ERP44: variants seen among roughly 807,000 people sequenced by gnomAD.
ERP44 encodes endoplasmic reticulum resident protein 44.
In ERP44, 25 loss-of-function variants were observed where a neutral mutation model predicts 53.4. That is an observed-to-expected ratio of 0.47 (90% confidence interval 0.34 to 0.65). ERP44 has a LOEUF of 0.65. ERP44 is among the 30% of genes least tolerant of loss of function. ERP44 has a pLI of 0.01. For missense variants in ERP44, 338 were observed against 493.2 expected (o/e 0.69, Z 2.98); for synonymous variants, 145 against 161.2 (o/e 0.90, Z 0.76).
intron 10 of ERP44, among the ~76,000 whole-genome samples, chr9:100,004,379 T>C (rs951917868): frequency 6.6e-6 from 1 of 152,192 alleles, no homozygotes; most frequent in Non-Finnish European, 1.5e-5. Flanking sequence ...TTTGGCCTGG[T>C]GCTGGAATAG....
intron 1 of ERP44, among the ~76,000 whole-genome samples, chr9:100,062,392 A>G (rs186210818): frequency 7.9e-5 from 12 of 152,346 alleles, no homozygotes; most frequent in African/African-American, 2.6e-4. Flanking sequence ...TCCTGGCTTC[A>G]TAAGTATCTG....
intron 1 of ERP44, among the ~76,000 whole-genome samples, chr9:100,078,286 T>C (rs997947247): frequency 6.6e-6 from 1 of 151,312 alleles, no homozygotes; most frequent in Non-Finnish European, 1.5e-5. Flanking sequence ...GGTGAAACTC[T>C]CTCTCTACCA....
At chr9:100,031,211 T>C (rs116397699) in intron 4 of ERP44, among the ~76,000 whole-genome samples, 1,653 of 152,292 alleles carry the variant, frequency 0.011, 24 homozygotes, top group African/African-American at 0.038. Flanking sequence ...ATGCTGAAGT[T>C]TCCTTCTCAT....
intron 1 of ERP44, among the ~76,000 whole-genome samples, chr9:100,075,340 T>C (rs1400955892): frequency 6.6e-6 from 1 of 152,232 alleles, no homozygotes; most frequent in Non-Finnish European, 1.5e-5. Context: ...TGCTTTTTTC[T>C]CCATTCCTTT....
In ERP44 at chr9:100,041,665, T is replaced by C. The variant is rs557881752; in HGVS notation, c.286+10752A>G. Among the ~76,000 whole-genome samples the C allele has an allele frequency of 6.2e-3, 940 of 152,026 alleles. 8 individuals are homozygous for C. Among genetic ancestry groups the C allele is most frequent in the Non-Finnish European group, 0.01 (705 of 67,980 alleles). Reference sequence around the variant, plus strand: ...CCCCGCGACAGAGCAAGATTCCGACTCAAAACAACAACAACAACAACAACA... The same window carrying C: ...CCCCGCGACAGAGCAAGATTCCGACCCAAAACAACAACAACAACAACAACA... On this transcript the variant is annotated intron_variant, in intron 4 of 11. Coordinates refer to ENST00000262455, the MANE Select transcript of ERP44 (RefSeq NM_015051.3).
At chr9:100,088,218 C>G (rs147121434) in intron 1 of ERP44, among the ~76,000 whole-genome samples, 117 of 152,178 alleles carry the variant, frequency 7.7e-4, no homozygotes, top group African/African-American at 2.5e-3. Context: ...TATCAGTAAA[C>G]AACATACATA....
chr9:99,998,664 T>G lies in ERP44; in HGVS notation c.1016+7842A>C. On this transcript the variant is annotated intron_variant, in intron 10 of 11. Coordinates refer to ENST00000262455, the MANE Select transcript of ERP44 (RefSeq NM_015051.3). ...TCCACATCCCTGTGCTCTTTGTCAC[T>G]GCTGCTGTGTGACCTTAATCCTTAC... The G allele has an allele frequency of 6.6e-6, 5 of 762,978 alleles. No homozygotes were observed. The Admixed American group carries it at 8.9e-5, about 14-fold the overall frequency. 47.3% of individuals were successfully genotyped at this position (762,978 alleles called of 1,614,324 possible).
chr9:100,085,250 A>G (rs1169901331), intron 1 of ERP44, among the ~76,000 whole-genome samples: 1 of 152,234 alleles, frequency 6.6e-6, no homozygotes, highest in Non-Finnish European at 1.5e-5. Context: ...AATGGTAGGT[A>G]TATGTGTAAC....
At chr9:100,009,401 T>C (rs911578271) in intron 8 of ERP44, among the ~76,000 whole-genome samples, 1 of 152,162 alleles carries the variant, frequency 6.6e-6, no homozygotes, top group African/African-American at 2.4e-5. Flanking sequence ...CATGAGCCAC[T>C]GCGCCCAGCC....
chr9:100,010,050 C>T (rs1426762939), intron 8 of ERP44, among the ~76,000 whole-genome samples: 2 of 152,122 alleles, frequency 1.3e-5, no homozygotes, highest in African/African-American at 4.8e-5. Context: ...CTTTGTGTTA[C>T]GTTATCTGTA....
At chr9:100,001,191 T>C (rs1358192941) in intron 10 of ERP44, among the ~76,000 whole-genome samples, 5 of 152,222 alleles carry the variant, frequency 3.3e-5, no homozygotes, top group East Asian at 1.9e-4. Context: ...CTTCATACCA[T>C]TGTGGTCAGA....
At chr9:99,991,683 A>C (rs1477851203) in intron 10 of ERP44, among the ~76,000 whole-genome samples, 2 of 152,116 alleles carry the variant, frequency 1.3e-5, no homozygotes, top group Non-Finnish European at 2.9e-5. Flanking sequence ...AATGGAGGAG[A>C]TAGAGACACA....
At chr9:100,055,759 G>A (rs150826451) in intron 3 of ERP44, among the ~76,000 whole-genome samples, 116 of 152,242 alleles carry the variant, frequency 7.6e-4, no homozygotes, top group African/African-American at 2.5e-3. Context: ...TAAATATTAG[G>A]TAATTTTTAA....
chr9:100,005,339 T>A (rs1830416089), intron 10 of ERP44, among the ~76,000 whole-genome samples: 1 of 152,228 alleles, frequency 6.6e-6, no homozygotes, highest in African/African-American at 2.4e-5. Context: ...TGGTTGTCCC[T>A]TTCCTCTACT....
chr9:100,015,510 GA>G (rs1830517941), intron 8 of ERP44, among the ~76,000 whole-genome samples: 1 of 152,172 alleles, frequency 6.6e-6, no homozygotes, highest in Non-Finnish European at 1.5e-5. Context: ...CTTGATTTCA[GA>G]TGCATGGGAT....
chr9:100,076,266 T>C (rs1340087567), intron 1 of ERP44, among the ~76,000 whole-genome samples: 1 of 152,032 alleles, frequency 6.6e-6, no homozygotes, highest in African/African-American at 2.4e-5. Flanking sequence ...ACATACACGA[T>C]CGGGCTCAAG....
chr9:100,009,904 A>G (rs1830455685), intron 8 of ERP44, among the ~76,000 whole-genome samples: 1 of 151,788 alleles, frequency 6.6e-6, no homozygotes, highest in African/African-American at 2.4e-5. Flanking sequence ...CTCTAAAGTC[A>G]TCTCTCATTC....
At chr9:100,060,238 T>G (rs1332749124) in intron 1 of ERP44, 66 bp from the exon 2 acceptor site, 1 of 1,338,250 alleles carries the variant, frequency 7.5e-7, no homozygotes, top group African/African-American at 1.5e-5. Flanking sequence ...AAAAGCGAAG[T>G]CTAAAAATAA....
At chr9:99,984,254 A>G (rs1704099131) in intron 11 of ERP44, among the ~76,000 whole-genome samples, 1 of 152,172 alleles carries the variant, frequency 6.6e-6, no homozygotes, top group Admixed American at 6.5e-5. Context: ...CATATGAAAT[A>G]GAGGGTTTTG....
Sources: gnomAD v4.1 joint callset for allele counts (sites outside exome capture counted in the v4.1 genomes callset) on GRCh38, gnomAD v4.1.1 for gene constraint, MANE v1.5 for transcripts, NCBI Gene and HGNC (gene_info 2026-07-23, HGNC 2026-07-21) for gene names.